GALNT14: variants seen among roughly 807,000 people sequenced by gnomAD.
GALNT14 encodes polypeptide N-acetylgalactosaminyltransferase 14, also known as UDP-GalNAc:polypeptide N-acetylgalactosaminyltransferase 14.
A neutral mutation model predicts 77.5 loss-of-function variants in GALNT14; 60 were observed. The ratio of observed to expected loss-of-function variants is 0.77; its 90% confidence interval spans 0.63 to 0.96. The LOEUF (loss-of-function observed/expected upper bound fraction) is 0.96, where lower values mean the gene tolerates loss of function less well. GALNT14 is among the 40% of genes least tolerant of loss of function. GALNT14 has a pLI of 0.00. For missense variants in GALNT14, 710 were observed against 731.0 expected, an observed-to-expected ratio of 0.97 and a Z score of 0.33; for synonymous variants, 280 against 281.7, an observed-to-expected ratio of 0.99 and a Z score of 0.06.
chr2:30,960,416 C>T (rs191055040), intron 3 of GALNT14, among the ~76,000 whole-genome samples: 12 of 152,124 alleles, frequency 7.9e-5, no homozygotes, highest in Non-Finnish European at 1.5e-4. Context: ...AAAGGTAAAT[C>T]GCGTGCGGCT....
chr2:30,998,677 T>C (rs1670182003), intron 1 of GALNT14, among the ~76,000 whole-genome samples: 1 of 152,116 alleles, frequency 6.6e-6, no homozygotes, highest in Non-Finnish European at 1.5e-5. Context: ...TTTCCATAAT[T>C]GGGGGTATGT....
At chr2:30,957,932 T>G (rs1278598896) in intron 4 of GALNT14, among the ~76,000 whole-genome samples, 1 of 152,222 alleles carries the variant, frequency 6.6e-6, no homozygotes, top group East Asian at 1.9e-4. Context: ...GCACAGTGTC[T>G]GGTAAGACAC....
At chr2:31,037,950 A>G (rs749031706) in intron 1 of GALNT14, among the ~76,000 whole-genome samples, 4 of 150,874 alleles carry the variant, frequency 2.7e-5, no homozygotes, top group Non-Finnish European at 5.9e-5. Context: ...GCACAGTCCT[A>G]CTTGTGTGCA....
At chr2:31,026,563 T>C (rs1243063239) in intron 1 of GALNT14, among the ~76,000 whole-genome samples, 1 of 152,116 alleles carries the variant, frequency 6.6e-6, no homozygotes, top group Non-Finnish European at 1.5e-5. Flanking sequence ...CATGAAGATA[T>C]TTGCTTCTAA....
Position 30,932,057 on chromosome 2 carries a change from TG to T in GALNT14, c.1058+10del. 1 of 1,520,300 alleles carries T rather than the reference TG, an allele frequency of 6.6e-7. No homozygotes were observed. The highest frequency in any genetic ancestry group is 8.8e-7 in the Non-Finnish European group (1 of 1,131,068). 94.2% of individuals were successfully genotyped at this position (1,520,300 alleles called of 1,614,324 possible). On this transcript the variant is annotated intron_variant, in intron 10 of 14. Transcript: ENST00000349752. ...CTGCTGCCCACCCGCGCTGAGCCCC[TG>T]GGCACTTACTTTATATACGTGTTGG...
At chr2:31,044,602 T>C (rs1673311557) in intron 1 of GALNT14, among the ~76,000 whole-genome samples, 1 of 152,124 alleles carries the variant, frequency 6.6e-6, no homozygotes, top group African/African-American at 2.4e-5. Flanking sequence ...CCCAAGTGCT[T>C]TTGGATAGAC....
chr2:30,896,513 T>C, the GALNT14 span, among the ~76,000 whole-genome samples: 1,983 of 152,292 alleles, frequency 0.013, 33 homozygotes, highest in Admixed American at 0.042. Flanking sequence ...ATGGAGACAA[T>C]AAGAGTAGCT....
At chr2:31,114,793 G>GA (rs1258851676) in intron 1 of GALNT14, 1 of 717,614 alleles carries the variant, frequency 1.4e-6, no homozygotes, top group Non-Finnish European at 2.6e-6. Context: ...CTTCTTGCAA[G>GA]AGACATGGGA....
intron 1 of GALNT14, among the ~76,000 whole-genome samples, chr2:31,016,946 C>T (rs918493181): frequency 6.6e-6 from 1 of 152,218 alleles, no homozygotes; most frequent in Non-Finnish European, 1.5e-5. Flanking sequence ...ATCCTCACAA[C>T]ATACCACGCT....
At chr2:31,098,083 G>A (rs6748774) in intron 1 of GALNT14, among the ~76,000 whole-genome samples, 60,674 of 151,918 alleles carry the variant, frequency 0.4, 12,736 homozygotes, top group Middle Eastern at 0.47. Flanking sequence ...CACATTCTAC[G>A]TCTCTATTAA....
chr2:31,069,806 G>T (rs1262608176), intron 1 of GALNT14, among the ~76,000 whole-genome samples: 13 of 152,158 alleles, frequency 8.5e-5, no homozygotes, highest in Admixed American at 8.5e-4. Context: ...GTCCACTGTT[G>T]TGTGTGATAG....
intron 1 of GALNT14, among the ~76,000 whole-genome samples, chr2:31,091,393 T>C (rs1288381709): frequency 6.6e-6 from 1 of 152,244 alleles, no homozygotes; most frequent in African/African-American, 2.4e-5. Flanking sequence ...TGAGTGGTTG[T>C]GACAGAGACC....
At chr2:31,006,884 T>A (rs1670705505) in intron 1 of GALNT14, among the ~76,000 whole-genome samples, 1 of 152,190 alleles carries the variant, frequency 6.6e-6, no homozygotes, top group Admixed American at 6.5e-5. Flanking sequence ...CTTCTACGCC[T>A]GCTAGGGGGA....
At chr2:31,100,582 G>C (rs941130427) in intron 1 of GALNT14, among the ~76,000 whole-genome samples, 2 of 151,752 alleles carry the variant, frequency 1.3e-5, no homozygotes, top group Admixed American at 6.6e-5. Flanking sequence ...TATCACCTGT[G>C]CAATGAGGAG....
At chr2:31,014,810 G>T (rs888378098) in intron 1 of GALNT14, among the ~76,000 whole-genome samples, 1 of 152,104 alleles carries the variant, frequency 6.6e-6, no homozygotes, top group African/African-American at 2.4e-5. Flanking sequence ...TTCTGTGTGG[G>T]TTGTACCCTT....
chr2:30,918,433 A>G (rs571749862), intron 13 of GALNT14, among the ~76,000 whole-genome samples: 1 of 152,332 alleles, frequency 6.6e-6, no homozygotes, highest in South Asian at 2.1e-4. Context: ...CCTATCCCAG[A>G]GTGGTGCTTT....
At chr2:31,057,480 T>C (rs1285670546) in intron 1 of GALNT14, among the ~76,000 whole-genome samples, 1 of 149,186 alleles carries the variant, frequency 6.7e-6, no homozygotes, top group Non-Finnish European at 1.5e-5. Context: ...TGTGTAAATG[T>C]AAAGCTGGGC....
At chr2:31,051,195 G>A (rs1573246959) in intron 1 of GALNT14, among the ~76,000 whole-genome samples, 1 of 152,208 alleles carries the variant, frequency 6.6e-6, no homozygotes, top group African/African-American at 2.4e-5. Context: ...AGGCCCAGCG[G>A]ATCAAGATGG....
intron 1 of GALNT14, among the ~76,000 whole-genome samples, chr2:31,124,150 G>A (rs182784993): frequency 5.3e-5 from 8 of 152,316 alleles, no homozygotes; most frequent in African/African-American, 1.2e-4. Flanking sequence ...GATTTTGCCC[G>A]CTCTGTCTCC....
Sources: allele counts gnomAD v4.1 joint callset (sites outside exome capture counted in the v4.1 genomes callset), GRCh38; gene constraint gnomAD v4.1.1; transcripts MANE v1.5; gene names NCBI Gene and HGNC (gene_info 2026-07-23, HGNC 2026-07-21).